Variants in ZSWIM5 observed in about 807,000 individuals in gnomAD.
The protein encoded by ZSWIM5 is zinc finger SWIM domain-containing protein 5.
A neutral mutation model predicts 119.6 loss-of-function variants in ZSWIM5; 55 were observed. That is an observed-to-expected ratio of 0.46 (90% confidence interval 0.37 to 0.58). ZSWIM5 has a LOEUF of 0.58. Ranked by LOEUF, ZSWIM5 falls within the 20% of genes least tolerant of loss-of-function variation. The pLI, the probability that ZSWIM5 is intolerant of heterozygous loss-of-function variation, is 0.00. For missense variants in ZSWIM5, 1,193 were observed against 1,512.8 expected (o/e 0.79, Z 3.51); for synonymous variants, 537 against 606.9 (o/e 0.88, Z 1.69).
At chr1:45,190,110 T>C (rs1381281715) in intron 1 of ZSWIM5, among the ~76,000 whole-genome samples, 1 of 151,992 alleles carries the variant, frequency 6.6e-6, no homozygotes, top group Non-Finnish European at 1.5e-5. Flanking sequence ...ACTCAGGAGT[T>C]CAAGACCAGC....
At chr1:45,197,903 C>T (rs901658021) in intron 1 of ZSWIM5, among the ~76,000 whole-genome samples, 1 of 152,216 alleles carries the variant, frequency 6.6e-6, no homozygotes, top group East Asian at 1.9e-4. Flanking sequence ...GGTGAAACCA[C>T]TGATGCTTTA....
intron 11 of ZSWIM5, among the ~76,000 whole-genome samples, chr1:45,029,168 A>G (rs1487594662): frequency 3.3e-5 from 5 of 152,238 alleles, no homozygotes; most frequent in Admixed American, 1.3e-4. Flanking sequence ...ACCTCATTCA[A>G]GTTCCACCAA....
chr1:45,103,588 AAGAC>A (rs1483661915), intron 1 of ZSWIM5, among the ~76,000 whole-genome samples: 2 of 152,246 alleles, frequency 1.3e-5, no homozygotes, highest in Non-Finnish European at 2.9e-5. Context: ...TAATTCTACA[AAGAC>A]AGAGAGTCCT....
intron 7 of ZSWIM5, among the ~76,000 whole-genome samples, chr1:45,039,513 G>A (rs1017306558): frequency 5.9e-5 from 9 of 151,952 alleles, no homozygotes; most frequent in Non-Finnish European, 8.8e-5. Context: ...AGCCTCCAGA[G>A]TAGCTGGGAC....
intron 1 of ZSWIM5, among the ~76,000 whole-genome samples, chr1:45,132,561 G>A (rs999561068): frequency 6.6e-6 from 1 of 152,076 alleles, no homozygotes; most frequent in Non-Finnish European, 1.5e-5. Flanking sequence ...AGACTTAGGA[G>A]TTTGAGACAT....
intron 2 of ZSWIM5, among the ~76,000 whole-genome samples, chr1:45,082,361 C>T (rs1052222069): frequency 6.0e-5 from 9 of 151,044 alleles, no homozygotes; most frequent in African/African-American, 2.2e-4. Flanking sequence ...AAATCTTTAT[C>T]TAAATGTCCT....
chr1:45,082,298 G>C (rs1165540292), intron 2 of ZSWIM5, among the ~76,000 whole-genome samples: 2 of 144,056 alleles, frequency 1.4e-5, no homozygotes, highest in Admixed American at 7.1e-5. Context: ...ATCCCCCTCT[G>C]TGAGAAACAC....
chr1:45,020,846 T>C, intron 11 of ZSWIM5, 58 bp from the exon 12 acceptor site: 1 of 1,565,988 alleles, frequency 6.4e-7, no homozygotes, highest in African/African-American at 1.4e-5. Flanking sequence ...AACAGTCAGC[T>C]GACTGCAATA....
intron 2 of ZSWIM5, among the ~76,000 whole-genome samples, chr1:45,071,454 C>CTTTTT (rs58028758): frequency 0.58 from 54,065 of 93,264 alleles, 17,248 homozygotes; most frequent in South Asian, 0.77. Context: ...GACAGAATCT[C>CTTTTT]TTTTTTTTTT....
chr1:45,198,273 T>C (rs559542015), intron 1 of ZSWIM5, among the ~76,000 whole-genome samples: 1 of 152,290 alleles, frequency 6.6e-6, no homozygotes, highest in Non-Finnish European at 1.5e-5. Context: ...CCGGAGGCAT[T>C]TCACTGAAGA....
chr1:45,029,725 T>C (rs1409144230), intron 11 of ZSWIM5, among the ~76,000 whole-genome samples: 1 of 152,234 alleles, frequency 6.6e-6, no homozygotes, highest in Non-Finnish European at 1.5e-5. Flanking sequence ...CTTATTTCAC[T>C]TAGCATGTTC....
chr1:45,136,618 A>C (rs1215134014), intron 1 of ZSWIM5, among the ~76,000 whole-genome samples: 1 of 152,092 alleles, frequency 6.6e-6, no homozygotes, highest in Non-Finnish European at 1.5e-5. Context: ...ACTGAGTTTC[A>C]GTTATTGTAT....
rs753727086 is a variant in ZSWIM5, at chr1:45,052,128, C to G, written c.1253-875G>C. On this transcript the variant is annotated intron_variant, in intron 4 of 13. Transcript: ENST00000359600. ...AGCAATTCTCCAGCCTCAGCGCCCC[C>G]CCTCGCACCCCACCCCCAACCCTAG... 1.8e-4 allele frequency among the ~76,000 whole-genome samples: 27 copies of G among 151,690 alleles called. 1 individual carries two copies. The highest frequency in any genetic ancestry group is 3.4e-3 in the Middle Eastern group (1 of 292).
chr1:45,058,525 C>T, intron 4 of ZSWIM5, 84 bp downstream of exon 4: 5 of 1,546,706 alleles, frequency 3.2e-6, no homozygotes, highest in South Asian at 2.4e-5. Context: ...ATCCATGCAA[C>T]GACTGATGGC....
chr1:45,190,927 ATTTTTTTTTTTTTTTTTTTTTTT>A (rs746764436), intron 1 of ZSWIM5, among the ~76,000 whole-genome samples: 5 of 48,968 alleles, frequency 1.0e-4, no homozygotes, highest in Non-Finnish European at 1.8e-4. Context: ...AATAGCTGGA[ATTTTTTTTTTTTTTTTTTTTTTT>A]TTTTTTTTTT....
intron 1 of ZSWIM5, among the ~76,000 whole-genome samples, chr1:45,205,442 T>C (rs777034612): frequency 3.3e-5 from 5 of 152,148 alleles, no homozygotes; most frequent in Non-Finnish European, 7.4e-5. Context: ...GGACAACACA[T>C]TTCTGAAATT....
At chr1:45,153,306 G>C (rs143665557) in intron 1 of ZSWIM5, among the ~76,000 whole-genome samples, 2 of 151,744 alleles carry the variant, frequency 1.3e-5, no homozygotes, top group Admixed American at 1.3e-4. Context: ...CAGATTACCC[G>C]AGGTCAGAAG....
At chr1:45,044,106 C>T (rs185334293) in intron 5 of ZSWIM5, among the ~76,000 whole-genome samples, 1 of 151,570 alleles carries the variant, frequency 6.6e-6, no homozygotes, top group Non-Finnish European at 1.5e-5. Context: ...AGGAGGACCA[C>T]TTGAACTCAG....
chr1:45,060,574 G>A (rs1645147032), intron 2 of ZSWIM5, among the ~76,000 whole-genome samples: 1 of 152,136 alleles, frequency 6.6e-6, no homozygotes, highest in South Asian at 2.1e-4. Context: ...CCAGGAGAGT[G>A]ACATTTTGTT....
Sources: gnomAD v4.1 joint callset for allele counts (sites outside exome capture counted in the v4.1 genomes callset) on GRCh38, gnomAD v4.1.1 for gene constraint, MANE v1.5 for transcripts, NCBI Gene and HGNC (gene_info 2026-07-23, HGNC 2026-07-21) for gene names.